NPC1L1: variants seen among roughly 807,000 people sequenced by gnomAD.
The protein encoded by NPC1L1 is NPC1 like intracellular cholesterol transporter 1, also known as NPC1-like intracellular cholesterol transporter 1.
In NPC1L1, 98 loss-of-function variants were observed where a neutral mutation model predicts 117.0. That is an observed-to-expected ratio of 0.84 (90% CI 0.71 to 0.99). The LOEUF (loss-of-function observed/expected upper bound fraction) is 0.99, where lower values mean the gene tolerates loss of function less well. Ranked by LOEUF, NPC1L1 falls within the 50% of genes least tolerant of loss-of-function variation. NPC1L1 has a pLI of 0.00. For synonymous variants in NPC1L1, 729 were observed against 727.6 expected, an observed-to-expected ratio of 1.00 and a Z score of -0.03; for missense variants, 1,540 against 1,710.0, an observed-to-expected ratio of 0.90 and a Z score of 1.75.
rs370722232 is a variant in NPC1L1, at chr7:44,531,753, A to C, written c.2637+2T>G. 240 of 1,568,176 alleles carry C rather than the reference A, an allele frequency of 1.5e-4. No homozygotes were observed. Among genetic ancestry groups the C allele is most frequent in the Non-Finnish European group, 2.0e-4 (227 of 1,156,406 alleles). The stretch of plus-strand genomic sequence containing the variant: ...TAAGGGTTGAGAAGGGCCTGGGCTC[A>C]CCTTGGGCAGGGCCAGCTCCTGGTC... On this transcript the variant is annotated splice_donor_variant, in intron 10 of 18. Coordinates refer to ENST00000381160, the MANE Select transcript of NPC1L1 (RefSeq NM_001101648.2). LOFTEE classifies it high-confidence loss of function.
chr7:44,514,312 G>C (rs554601078), intron 18 of NPC1L1, among the ~76,000 whole-genome samples: 2 of 152,294 alleles, frequency 1.3e-5, no homozygotes, highest in South Asian at 4.1e-4. Flanking sequence ...GCTTCCATGT[G>C]CCTCAGCCTC....
In NPC1L1 at chr7:44,513,360, G is replaced by C; in HGVS notation, c.*87C>G. On this transcript the variant is annotated 3_prime_UTR_variant, in exon 19 of 19. Transcript: ENST00000381160. ...AATGGCCTCCCCTAGGATTTGAGGAGGGCGTGTGTCAAGGGGCAGTCACAA... is the reference window on the plus strand; with the variant it reads ...AATGGCCTCCCCTAGGATTTGAGGACGGCGTGTGTCAAGGGGCAGTCACAA... 7.9e-7 allele frequency: 1 copy of C among 1,271,154 alleles called. No homozygotes were observed. Among genetic ancestry groups the C allele is most frequent in the Non-Finnish European group, 1.1e-6 (1 of 871,836 alleles). The allele number at this position is 1,271,154 out of a possible 1,614,324, so 78.7% of individuals were successfully genotyped here. A position where few individuals can be genotyped will look rare whatever the true frequency, so the allele number is the denominator to read the frequency against.
chr7:44,522,053 G>A lies in NPC1L1; in HGVS notation c.2827C>T (p.Gln943Ter). The change falls in exon 11 of 19, where the codon CAG becomes TAG. Residue 943 changes from glutamine (Q) to a stop codon, truncating the protein, a stop_gained and splice_region_variant. Transcript: ENST00000381160. LOFTEE classifies it high-confidence loss of function. ...GTTTGGGGCGGGCCAGGAACTCACT[G>A]CTCAGGGAACTCTGTGGCATACTGG... is the stretch of plus-strand genomic sequence containing the variant. Reference protein sequence around the residue: ...KIQYATEFPEQSYLAIPASSW... With the variant: ...KIQYATEFPE The A allele has an allele frequency of 1.2e-6, 2 of 1,613,800 alleles. No individual in the cohort carries two copies. The highest frequency in any genetic ancestry group is 2.7e-5 in the African/African-American group (2 of 75,006).
intron 10 of NPC1L1, among the ~76,000 whole-genome samples, chr7:44,531,520 G>A (rs1013501079): frequency 1.6e-4 from 24 of 152,202 alleles, no homozygotes; most frequent in African/African-American, 5.8e-4. Context: ...ACAGCCCTCC[G>A]ATGCCTGGGC....
At chr7:44,532,030 G>A (rs765727178) in intron 9 of NPC1L1, 50 bp downstream of exon 9, 11 of 1,613,568 alleles carry the variant, frequency 6.8e-6, no homozygotes, top group East Asian at 2.2e-5. Flanking sequence ...TCCCTGAGGC[G>A]AGGTCCCCAC....
At position 44,536,210 on chromosome 7, in the gene NPC1L1, A is replaced by T. The variant is rs756329598; in HGVS notation, c.1854+46T>A. 6.2e-7 allele frequency: 1 copy of T among 1,610,046 alleles called. No individual in the cohort carries two copies. The highest frequency in any genetic ancestry group is 2.2e-5 in the East Asian group (1 of 44,876). ...ATGGGGACACAGGAACTGACCCAAG[A>T]CCACCTGGGTTGCACCCCCAGAGCC... On this transcript the variant is annotated intron_variant, in intron 4 of 18. Coordinates refer to ENST00000381160, the MANE Select transcript of NPC1L1 (RefSeq NM_001101648.2). The surrounding 1 kb of genome is among the most constrained non-coding windows in gnomAD (Gnocchi z 4.7).
Position 44,540,250 on chromosome 7 carries a change from G to C in NPC1L1, c.147C>G (p.Leu49=). The C allele has an allele frequency of 6.2e-7, 1 of 1,614,104 alleles. No homozygotes were observed. Among genetic ancestry groups the C allele is most frequent in the Non-Finnish European group, 8.5e-7 (1 of 1,180,028 alleles). The change falls in exon 2 of 19, where the codon CTC becomes CTG. Residue 49 remains leucine (L), a synonymous_variant. Coordinates refer to ENST00000381160, the MANE Select transcript of NPC1L1 (RefSeq NM_001101648.2). ...CGKNPELSGS[L]MTLSNVSCLS... is the part of the protein sequence containing the mutation. ...GGCAGGACACGTTGGAGAGTGTCAT[G>C]AGGCTTCCAGACAGCTCTGGGTTCT...
Position 44,536,216 on chromosome 7 carries a change from T to A in NPC1L1, c.1854+40A>T, listed in dbSNP as rs1273598699. 6.2e-7 allele frequency: 1 copy of A among 1,611,972 alleles called. No individual in the cohort carries two copies. On this transcript the variant is annotated intron_variant, in intron 4 of 18. Coordinates refer to ENST00000381160, the MANE Select transcript of NPC1L1 (RefSeq NM_001101648.2). The surrounding 1 kb of genome is among the most constrained non-coding windows in gnomAD (Gnocchi z 4.7). ...ACACAGGAACTGACCCAAGACCACC[T>A]GGGTTGCACCCCCAGAGCCAGGGAC...
At chr7:44,529,546 C>T (rs1218056077) in intron 10 of NPC1L1, among the ~76,000 whole-genome samples, 19 of 151,466 alleles carry the variant, frequency 1.3e-4, no homozygotes, top group Non-Finnish European at 2.2e-4. Flanking sequence ...GCCCAGTTAA[C>T]TTTGTATTTT....
rs551851006 is a variant in NPC1L1, at chr7:44,538,632, C to T, written c.1580+185G>A. 3.3e-5 allele frequency among the ~76,000 whole-genome samples: 5 copies of T among 152,294 alleles called. No homozygotes were observed. In the South Asian group the frequency reaches 1.0e-3, roughly 32 times the overall value. On this transcript the variant is annotated intron_variant, in intron 2 of 18. Coordinates refer to ENST00000381160, the MANE Select transcript of NPC1L1 (RefSeq NM_001101648.2). The surrounding 1 kb of genome is among the most constrained non-coding windows in gnomAD (Gnocchi z 5.9). Reference sequence around the variant, plus strand: ...TGCAGCCATGAGCAGGAACTCTGACCAAAGGAAATGGCGGCCGGACGAGGG... The same window carrying T: ...TGCAGCCATGAGCAGGAACTCTGACTAAAGGAAATGGCGGCCGGACGAGGG...
chr7:44,534,633 C>A lies in NPC1L1; in HGVS notation c.1984-4G>T, dbSNP rs762169559. 1.5e-5 allele frequency: 25 copies of A among 1,613,818 alleles called. No homozygotes were observed. Among genetic ancestry groups the A allele is most frequent in the Middle Eastern group, 1.7e-4 (1 of 6,018 alleles). On this transcript the variant is annotated splice_region_variant and splice_polypyrimidine_tract_variant and intron_variant, in intron 5 of 18. Transcript: ENST00000381160. This position sits in a 1 kb window ranked among gnomAD's most constrained non-coding sequence, Gnocchi z 5.2. ...CCAGCGTGGCCTTGGAGTCCACCTG[C>A]AATGCAAACAGGCTCAGCCCCCTAG... is the stretch of plus-strand genomic sequence containing the variant.
At chr7:44,514,389 C>T (rs547079790) in intron 18 of NPC1L1, among the ~76,000 whole-genome samples, 1 of 152,284 alleles carries the variant, frequency 6.6e-6, no homozygotes, top group Non-Finnish European at 1.5e-5. Flanking sequence ...TTAATGAGAC[C>T]GGGTGCGGTG....
chr7:44,533,934 C>T lies in NPC1L1; in HGVS notation c.2167-81G>A, dbSNP rs542454845. 30 of 1,175,792 alleles carry T rather than the reference C, an allele frequency of 2.6e-5. No homozygotes were observed. The African/African-American group carries it at 4.4e-4, about 17-fold the overall frequency. The allele number at this position is 1,175,792 out of a possible 1,614,324, so 72.8% of individuals were successfully genotyped here. A position where few individuals can be genotyped will look rare whatever the true frequency, so the allele number is the denominator to read the frequency against. ...AAGGCCAGCAGGGAGTTGGCAAGTG[C>T]CCAGAGCTGCAGCCAGGCCTGAGGA... is the stretch of plus-strand genomic sequence containing the variant. On this transcript the variant is annotated intron_variant, in intron 6 of 18. Transcript: ENST00000381160.
At chr7:44,524,588 C>G (rs1801452488) in intron 10 of NPC1L1, among the ~76,000 whole-genome samples, 2 of 152,022 alleles carry the variant, frequency 1.3e-5, no homozygotes, top group African/African-American at 4.8e-5. Flanking sequence ...AACCCTGTCT[C>G]TACTAAAAAT....
chr7:44,518,326 T>C (rs71537742), intron 14 of NPC1L1, among the ~76,000 whole-genome samples: 1 of 148,230 alleles, frequency 6.7e-6, no homozygotes, highest in African/African-American at 2.5e-5. Context: ...CATGCCACCA[T>C]GCCTGGCTAA....
chr7:44,514,229 G>A (rs1236175007), intron 18 of NPC1L1, among the ~76,000 whole-genome samples: 1 of 152,114 alleles, frequency 6.6e-6, no homozygotes, highest in Non-Finnish European at 1.5e-5. Context: ...CTGGTGGGAG[G>A]TAAAATTGAA....
At chr7:44,537,172 C>T (rs1010626527) in intron 2 of NPC1L1, among the ~76,000 whole-genome samples, 1 of 152,196 alleles carries the variant, frequency 6.6e-6, no homozygotes, top group Non-Finnish European at 1.5e-5. Context: ...CTCCTGCAGG[C>T]CCCCACCCAC....
At chr7:44,527,554 C>G (rs1801560810) in intron 10 of NPC1L1, among the ~76,000 whole-genome samples, 1 of 150,760 alleles carries the variant, frequency 6.6e-6, no homozygotes, top group Admixed American at 6.6e-5. Context: ...GTGGCTTACA[C>G]CTGTAATCCC....
At position 44,534,535 on chromosome 7, in the gene NPC1L1, C is replaced by CGGAT; in HGVS notation, c.2074_2077dup (p.Arg693HisfsTer21). The CGGAT allele has an allele frequency of 6.2e-7, 1 of 1,614,118 alleles. No individual in the cohort carries two copies. The highest frequency in any genetic ancestry group is 8.5e-7 in the Non-Finnish European group (1 of 1,180,004). On this transcript the variant is annotated frameshift_variant, in exon 6 of 19. Transcript: ENST00000381160. LOFTEE classifies it high-confidence loss of function. The surrounding 1 kb of genome is among the most constrained non-coding windows in gnomAD (Gnocchi z 5.2). The stretch of plus-strand genomic sequence containing the variant: ...CACTTGCAGGATGACCAGGGAGGAG[C>CGGAT]GGATACCCAAGTAGGAGAAGAAGCC...
Sources: gnomAD v4.1 joint callset for allele counts (sites outside exome capture counted in the v4.1 genomes callset) on GRCh38, gnomAD v4.1.1 for gene constraint, Gnocchi (gnomAD v3.1) non-coding constraint, MANE v1.5 for transcripts, NCBI Gene and HGNC (gene_info 2026-07-23, HGNC 2026-07-21) for gene names.